LSAMP: variants seen among roughly 807,000 people sequenced by gnomAD.
LSAMP encodes the protein limbic system-associated membrane protein.
A neutral mutation model predicts 38.6 loss-of-function variants in LSAMP; 7 were observed. The observed-to-expected ratio is 0.18, with a 90% CI of 0.10 to 0.34. The LOEUF is 0.34. Ranked by LOEUF, LSAMP falls within the 10% of genes least tolerant of loss-of-function variation. The probability of loss-of-function intolerance (pLI) is 1.00; values close to 1 mark genes in which losing one functional copy is unlikely to be tolerated. For missense variants in LSAMP, 313 were observed against 420.0 expected (o/e 0.75, Z 2.23); for synonymous variants, 154 against 166.8 (o/e 0.92, Z 0.59).
intron 1 of LSAMP, among the ~76,000 whole-genome samples, chr3:116,392,380 C>A (rs892485675): frequency 6.6e-6 from 1 of 152,226 alleles, no homozygotes; most frequent in African/African-American, 2.4e-5. Context: ...TTGCTCCAAT[C>A]TCAGAGTAAA....
chr3:116,291,797 A>G (rs1456117957), intron 1 of LSAMP, among the ~76,000 whole-genome samples: 3 of 152,172 alleles, frequency 2.0e-5, no homozygotes, highest in Non-Finnish European at 2.9e-5. Context: ...TAAAACAGAC[A>G]CATCCATTTT....
At chr3:116,020,524 A>G (rs1940609211) in intron 2 of LSAMP, among the ~76,000 whole-genome samples, 1 of 152,220 alleles carries the variant, frequency 6.6e-6, no homozygotes, top group Admixed American at 6.5e-5. Context: ...GCCTTTGCTC[A>G]TAAGCACTAC....
At chr3:116,358,511 T>G (rs1388479039) in intron 1 of LSAMP, among the ~76,000 whole-genome samples, 1 of 152,108 alleles carries the variant, frequency 6.6e-6, no homozygotes, top group Non-Finnish European at 1.5e-5. Flanking sequence ...TCCCCACACT[T>G]GGACGGAAGA....
intron 1 of LSAMP, among the ~76,000 whole-genome samples, chr3:116,394,886 C>G (rs537808922): frequency 6.6e-6 from 1 of 152,044 alleles, no homozygotes; most frequent in South Asian, 2.1e-4. Context: ...CTGTGGCTGT[C>G]GATACATAGT....
chr3:116,402,642 G>A (rs1426437643), intron 1 of LSAMP, among the ~76,000 whole-genome samples: 5 of 151,750 alleles, frequency 3.3e-5, no homozygotes, highest in African/African-American at 4.8e-5. Flanking sequence ...ACAGACATAC[G>A]TATACATCAT....
At chr3:116,206,754 C>T (rs2046075263) in intron 1 of LSAMP, among the ~76,000 whole-genome samples, 1 of 151,684 alleles carries the variant, frequency 6.6e-6, no homozygotes, top group African/African-American at 2.4e-5. Context: ...TTTGATTGCA[C>T]TGTGGTCTGA....
intron 3 of LSAMP, among the ~76,000 whole-genome samples, chr3:115,864,237 A>G (rs1463969449): frequency 6.7e-6 from 1 of 149,096 alleles, no homozygotes; most frequent in Non-Finnish European, 1.5e-5. Flanking sequence ...AATTTTCCTC[A>G]CTATTCTCCA....
intron 2 of LSAMP, among the ~76,000 whole-genome samples, chr3:116,058,705 T>C (rs1227500455): frequency 6.6e-6 from 1 of 152,122 alleles, no homozygotes; most frequent in East Asian, 1.9e-4. Context: ...TTAAGAAAAT[T>C]TAGTTTGGGT....
intron 1 of LSAMP, among the ~76,000 whole-genome samples, chr3:116,437,043 A>G (rs924625037): frequency 6.8e-5 from 10 of 146,786 alleles, no homozygotes; most frequent in South Asian, 2.1e-4. Context: ...ATATATGTGT[A>G]TATATATATA....
chr3:115,930,052 T>A (rs1937557718), intron 3 of LSAMP, among the ~76,000 whole-genome samples: 1 of 140,438 alleles, frequency 7.1e-6, no homozygotes, highest in Non-Finnish European at 1.5e-5. Flanking sequence ...TCTTGTGAAG[T>A]ATTGAAGCCT....
intron 1 of LSAMP, among the ~76,000 whole-genome samples, chr3:116,255,637 AC>A (rs561883717): frequency 5.8e-4 from 88 of 152,254 alleles, no homozygotes; most frequent in Middle Eastern, 6.8e-3. Context: ...ACATTATCAC[AC>A]CTACCTTACA....
chr3:116,207,000 G>A (rs922265472), intron 1 of LSAMP, among the ~76,000 whole-genome samples: 1 of 150,526 alleles, frequency 6.6e-6, no homozygotes, highest in Non-Finnish European at 1.5e-5. Context: ...TGTTGACAGT[G>A]GGGTGTTAAA....
intron 1 of LSAMP, among the ~76,000 whole-genome samples, chr3:116,267,447 A>C (rs2046907043): frequency 6.6e-6 from 1 of 152,046 alleles, no homozygotes; most frequent in Non-Finnish European, 1.5e-5. Flanking sequence ...CTGCCTTTAC[A>C]TCAGGAAGAA....
chr3:116,096,562 G>A (rs547602211), intron 1 of LSAMP, among the ~76,000 whole-genome samples: 1 of 152,324 alleles, frequency 6.6e-6, no homozygotes, highest in Non-Finnish European at 1.5e-5. Flanking sequence ...AGGCTCTAAT[G>A]CCATCTCTGG....
intron 1 of LSAMP, among the ~76,000 whole-genome samples, chr3:116,213,329 C>T (rs947171099): frequency 6.6e-6 from 1 of 152,146 alleles, no homozygotes; most frequent in African/African-American, 2.4e-5. Context: ...GAATAAGTCT[C>T]ATAAGATCTG....
intron 1 of LSAMP, among the ~76,000 whole-genome samples, chr3:116,087,278 T>C (rs1708013367): frequency 6.6e-6 from 1 of 152,216 alleles, no homozygotes; most frequent in Non-Finnish European, 1.5e-5. Context: ...AATTTTGTAG[T>C]TTATAGACCA....
chr3:116,328,586 G>A (rs76793878), intron 1 of LSAMP, among the ~76,000 whole-genome samples: 8,107 of 152,032 alleles, frequency 0.053, 283 homozygotes, highest in Non-Finnish European at 0.082. Context: ...TTTAATATGC[G>A]GAACTAGGGG....
chr3:116,209,620 T>A (rs1350158267), intron 1 of LSAMP, among the ~76,000 whole-genome samples: 1 of 152,158 alleles, frequency 6.6e-6, no homozygotes, highest in African/African-American at 2.4e-5. Context: ...GGGGCTTTGA[T>A]GTCGGAGAAG....
At chr3:116,048,206 C>A (rs1437483770) in intron 2 of LSAMP, among the ~76,000 whole-genome samples, 1 of 152,178 alleles carries the variant, frequency 6.6e-6, no homozygotes, top group Non-Finnish European at 1.5e-5. Flanking sequence ...AATGACAGGG[C>A]TTCTGAATGA....
Sources: allele counts gnomAD v4.1 joint callset (sites outside exome capture counted in the v4.1 genomes callset), GRCh38; gene constraint gnomAD v4.1.1; transcripts MANE v1.5; gene names NCBI Gene and HGNC (gene_info 2026-07-23, HGNC 2026-07-21).